Variants in DDX10 observed in about 807,000 individuals in gnomAD.
The protein encoded by DDX10 is probable ATP-dependent RNA helicase DDX10.
DDX10 carries 74 observed loss-of-function variants against 104.3 expected under a neutral mutation model. The ratio of observed to expected loss-of-function variants is 0.71; its 90% CI spans 0.59 to 0.86. The LOEUF is 0.86. Among genes scored for constraint, DDX10 ranks in the 40% least tolerant of loss-of-function variants. The pLI, the probability that DDX10 is intolerant of heterozygous loss-of-function variation, is 0.00. For synonymous variants in DDX10, 351 were observed against 353.4 expected (o/e 0.99, Z 0.08); for missense variants, 952 against 1,040.0 (o/e 0.92, Z 1.16).
chr11:108,863,719 A>G (rs933187229), intron 16 of DDX10, among the ~76,000 whole-genome samples: 1 of 152,174 alleles, frequency 6.6e-6, no homozygotes, highest in African/African-American at 2.4e-5. Context: ...CCCACTCAGT[A>G]GAGCTAGTAC....
At chr11:108,752,170 G>T (rs1292310902) in intron 13 of DDX10, among the ~76,000 whole-genome samples, 3 of 152,120 alleles carry the variant, frequency 2.0e-5, no homozygotes, top group African/African-American at 7.2e-5. Context: ...ACGTCTTGAG[G>T]ATGGTCATGG....
rs951832095 is a variant in DDX10, at chr11:108,679,565, G to A, written c.848+5G>A. On this transcript the variant is annotated splice_donor_5th_base_variant and intron_variant, in intron 6 of 17. Coordinates refer to ENST00000322536, the MANE Select transcript of DDX10 (RefSeq NM_004398.4). ...TCATGAAAAAGCAAAATATAGGTAT[G>A]TACTCTTTGAGTCAATCAAGATAAA... 1 of 1,566,680 alleles carries A rather than the reference G, an allele frequency of 6.4e-7. No homozygotes were observed. The highest frequency in any genetic ancestry group is 8.6e-7 in the Non-Finnish European group (1 of 1,159,438).
At chr11:108,808,594 C>T (rs528340210) in intron 13 of DDX10, among the ~76,000 whole-genome samples, 2 of 152,102 alleles carry the variant, frequency 1.3e-5, no homozygotes, top group East Asian at 3.9e-4. Flanking sequence ...AATAAGTGAT[C>T]AGTAGTCCTT....
chr11:108,794,188 G>T (rs1053047994), intron 13 of DDX10, among the ~76,000 whole-genome samples: 1 of 151,480 alleles, frequency 6.6e-6, no homozygotes, highest in African/African-American at 2.4e-5. Flanking sequence ...TTTTTCTTTG[G>T]ATGAATACCT....
chr11:108,723,287 C>T lies in DDX10; in HGVS notation c.1790C>T (p.Ala597Val), dbSNP rs2094301008. 2 of 1,613,436 alleles carry T rather than the reference C, an allele frequency of 1.2e-6. No individual in the cohort carries two copies. The highest frequency in any genetic ancestry group is 1.7e-5 in the Admixed American group (1 of 59,890). ...GAAGAAGAAATGGAAGAGAAACTGG[C>T]AAAAGCAAAAGGATCTCAAGCCCCA... Reference protein sequence around the residue: ...DDEEEMEEKLAKAKGSQAPSL... With the variant: ...DDEEEMEEKLVKAKGSQAPSL... The change falls in exon 13 of 18, where the codon GCA becomes GTA. Residue 597 changes from alanine (A) to valine (V), a missense_variant. Physicochemically the swap from Ala to Val is moderately conservative, Grantham distance 64 (BLOSUM62 0). Transcript: ENST00000322536.
chr11:108,858,976 A>T (rs1209598893), intron 16 of DDX10, among the ~76,000 whole-genome samples: 1 of 152,206 alleles, frequency 6.6e-6, no homozygotes, highest in Admixed American at 6.5e-5. Flanking sequence ...TGATTGACCA[A>T]AAAAGTGGAT....
intron 16 of DDX10, among the ~76,000 whole-genome samples, chr11:108,884,773 C>G (rs1337294007): frequency 1.3e-5 from 2 of 152,156 alleles, no homozygotes; most frequent in Non-Finnish European, 2.9e-5. Context: ...TTCTTTACTT[C>G]TTATTGTACT....
At chr11:108,812,589 A>C (rs1407566359) in intron 13 of DDX10, among the ~76,000 whole-genome samples, 1 of 152,198 alleles carries the variant, frequency 6.6e-6, no homozygotes, top group Non-Finnish European at 1.5e-5. Context: ...TTATCAACTT[A>C]TGCATGTTCT....
chr11:108,873,332 C>T (rs79630998), intron 16 of DDX10, among the ~76,000 whole-genome samples: 4,633 of 152,144 alleles, frequency 0.03, 239 homozygotes, highest in African/African-American at 0.1. Context: ...GAGTATGTTG[C>T]CTCTGTCCCC....
At chr11:108,677,307 T>C in intron 4 of DDX10, 64 bp downstream of exon 4, 1 of 1,442,404 alleles carries the variant, frequency 6.9e-7, no homozygotes, top group South Asian at 1.3e-5. Context: ...CTGTGGCCGA[T>C]GACAGGGAGG....
At chr11:108,899,018 A>G (rs1326553661) in intron 16 of DDX10, among the ~76,000 whole-genome samples, 4 of 152,232 alleles carry the variant, frequency 2.6e-5, no homozygotes, top group Admixed American at 2.0e-4. Flanking sequence ...GCAAGCCACC[A>G]GAAATCCTAG....
chr11:108,682,458 G>A (rs940993372), intron 6 of DDX10, among the ~76,000 whole-genome samples: 1 of 152,176 alleles, frequency 6.6e-6, no homozygotes, highest in Admixed American at 6.5e-5. Context: ...CTTTGAGTTA[G>A]CATTTGCATG....
chr11:108,675,617 G>A lies in DDX10; in HGVS notation c.269G>A (p.Arg90His), dbSNP rs145766863. Residue 90 changes from arginine to histidine, a missense_variant, in exon 3 of 18, where the codon CGT becomes CAT. By Grantham distance (29) the Arg-to-His change is conservative. This residue lies in a region of DDX10 where 412 missense variants were observed against 479.2 expected (regional missense o/e 0.86). Coordinates refer to ENST00000322536, the MANE Select transcript of DDX10 (RefSeq NM_004398.4). ...CCAGGTTTGCAAGAAGCTCAGTACC[G>A]TTTGGTGACTGAGATACAGAAGCAG... ...TLKGLQEAQY[R>H]LVTEIQKQTI... 8.7e-6 allele frequency: 14 copies of A among 1,613,936 alleles called. No individual in the cohort carries two copies. Among genetic ancestry groups the A allele is most frequent in the South Asian group, 3.3e-5 (3 of 91,074 alleles).
At chr11:108,928,951 G>T (rs1591129841) in intron 17 of DDX10, among the ~76,000 whole-genome samples, 4 of 152,268 alleles carry the variant, frequency 2.6e-5, no homozygotes, top group Admixed American at 2.6e-4. Context: ...AAAACAGTTT[G>T]CAAAAATATC....
chr11:108,695,021 G>A (rs2094257803), intron 9 of DDX10, among the ~76,000 whole-genome samples: 1 of 152,158 alleles, frequency 6.6e-6, no homozygotes, highest in Admixed American at 6.5e-5. Flanking sequence ...AGCAAAGCTG[G>A]GAGGTATACA....
intron 17 of DDX10, among the ~76,000 whole-genome samples, chr11:108,939,563 T>C (rs1864078986): frequency 6.6e-6 from 1 of 152,218 alleles, no homozygotes; most frequent in Non-Finnish European, 1.5e-5. Context: ...CTCAAAATGC[T>C]TTGAGGAGAA....
At position 108,878,974 on chromosome 11, in the gene DDX10, C is replaced by CT. The variant is rs200544326; in HGVS notation, c.2304+26774dup. Among the ~76,000 whole-genome samples the CT allele has an allele frequency of 1.1e-3, 173 of 151,424 alleles. 5 individuals are homozygous for CT. In the South Asian group the frequency reaches 0.027, roughly 23 times the overall value. On this transcript the variant is annotated intron_variant, in intron 16 of 17. Coordinates refer to ENST00000322536, the MANE Select transcript of DDX10 (RefSeq NM_004398.4). ...ACTAACTAGAATTGAGGATAGAACA[C>CT]TTTTTTTTTACCGTGGAAATTTTCT...
At chr11:108,797,353 T>C (rs1861958382) in intron 13 of DDX10, among the ~76,000 whole-genome samples, 1 of 152,306 alleles carries the variant, frequency 6.6e-6, no homozygotes, top group East Asian at 1.9e-4. Flanking sequence ...TCTTTATACA[T>C]TAGTCTGTGG....
intron 13 of DDX10, among the ~76,000 whole-genome samples, chr11:108,813,198 C>T (rs57273723): frequency 7.2e-4 from 110 of 152,130 alleles, no homozygotes; most frequent in African/African-American, 2.3e-3. Context: ...TCAAAGGGTA[C>T]GTAAATTTTG....
Sources: allele counts gnomAD v4.1 joint callset (sites outside exome capture counted in the v4.1 genomes callset), GRCh38; gene constraint gnomAD v4.1.1; regional missense constraint gnomAD v4.1.1; transcripts MANE v1.5; gene names NCBI Gene and HGNC (gene_info 2026-07-23, HGNC 2026-07-21).